Variants in CNTNAP2 observed in about 807,000 individuals in gnomAD.
CNTNAP2 encodes the protein contactin associated protein 2.
Under a neutral mutation model 155.2 loss-of-function variants are expected in CNTNAP2, and 98 were observed. The observed-to-expected ratio is 0.63, with a 90% CI of 0.54 to 0.75. The LOEUF is 0.75. Among genes scored for constraint, CNTNAP2 ranks in the 30% least tolerant of loss-of-function variants. CNTNAP2 has a pLI of 0.00. For synonymous variants in CNTNAP2, 651 were observed against 631.2 expected (o/e 1.03, Z -0.47); for missense variants, 1,727 against 1,688.1 (o/e 1.02, Z -0.40).
chr7:146,785,064 G>T lies in CNTNAP2; in HGVS notation c.208+10683G>T, dbSNP rs1453051638. Among the ~76,000 whole-genome samples the T allele has an allele frequency of 6.0e-5, 9 of 149,172 alleles. No homozygotes were observed. In the Admixed American group the frequency reaches 6.1e-4, roughly 10 times the overall value. On this transcript the variant is annotated intron_variant, in intron 2 of 23. Transcript: ENST00000361727. ...GGCTCGCTACAGCCTCCACATCCTT[G>T]TGCTCAGGTGATCCTCCCATCTCAG...
At chr7:148,124,780 C>T (rs914365124) in intron 16 of CNTNAP2, among the ~76,000 whole-genome samples, 2 of 152,030 alleles carry the variant, frequency 1.3e-5, no homozygotes, top group Non-Finnish European at 1.5e-5. Context: ...TGCATTTAAT[C>T]GTTAAAATAA....
At chr7:147,635,857 T>G (rs944842507) in intron 12 of CNTNAP2, among the ~76,000 whole-genome samples, 1 of 152,152 alleles carries the variant, frequency 6.6e-6, no homozygotes, top group Non-Finnish European at 1.5e-5. Context: ...AAGAAAGATT[T>G]GGAGTACTAC....
chr7:147,057,324 A>G (rs1449834147), intron 4 of CNTNAP2, among the ~76,000 whole-genome samples: 1 of 152,094 alleles, frequency 6.6e-6, no homozygotes, highest in Non-Finnish European at 1.5e-5. Context: ...ATGACTCTAT[A>G]TCACCTCATT....
intron 1 of CNTNAP2, among the ~76,000 whole-genome samples, chr7:146,763,288 A>C (rs1235591526): frequency 6.6e-6 from 1 of 152,054 alleles, no homozygotes; most frequent in East Asian, 1.9e-4. Flanking sequence ...AGATAACCCT[A>C]TGGCTTGTTC....
chr7:148,123,702 G>A (rs1336556022), intron 16 of CNTNAP2, among the ~76,000 whole-genome samples: 22 of 149,054 alleles, frequency 1.5e-4, no homozygotes, highest in African/African-American at 4.8e-4. Flanking sequence ...AAGAGAAAGA[G>A]AGAAACAGAG....
intron 11 of CNTNAP2, among the ~76,000 whole-genome samples, chr7:147,500,219 T>C (rs11982152): frequency 0.32 from 48,184 of 151,736 alleles, 7,874 homozygotes; most frequent in East Asian, 0.43. Flanking sequence ...GAAGGGCTTT[T>C]CATTTATAAC....
intron 13 of CNTNAP2, among the ~76,000 whole-genome samples, chr7:147,885,519 C>G (rs1444756388): frequency 6.6e-6 from 1 of 152,124 alleles, no homozygotes; most frequent in Non-Finnish European, 1.5e-5. Flanking sequence ...CTCCACCCCC[C>G]GCCACCCCGC....
In CNTNAP2 at chr7:147,225,878, A is replaced by AGAAGGAAGGAGGGAAAGAAG. The variant is rs1803523938; in HGVS notation, c.1349-74253_1349-74252insGGGAAAGAAGGAAGGAAGGA. On this transcript the variant is annotated intron_variant, in intron 8 of 23. Transcript: ENST00000361727. Reference sequence around the variant, plus strand: ...AGGAGGGAAAGAAGGAAGGAGGGAAAGAAGGAAGGAAGGAAGGAAGGAAGG... The same window carrying AGAAGGAAGGAGGGAAAGAAG: ...AGGAGGGAAAGAAGGAAGGAGGGAAAGAAGGAAGGAGGGAAAGAAGGAAGGAAGGAAGGAAGGAAGGAAGG... 4.5e-5 allele frequency among the ~76,000 whole-genome samples: 5 copies of AGAAGGAAGGAGGGAAAGAAG among 111,576 alleles called. No individual in the cohort carries two copies. In the Admixed American group the frequency reaches 4.5e-4, roughly 10 times the overall value. The allele number at this position is 111,576 out of a possible 152,430, so 73.2% of individuals were successfully genotyped here. A position where few individuals can be genotyped will look rare whatever the true frequency, so the allele number is the denominator to read the frequency against.
chr7:147,486,889 C>CTGTGTGTGTGTG (rs10544219), intron 11 of CNTNAP2, among the ~76,000 whole-genome samples: 47,165 of 146,732 alleles, frequency 0.32, 8,194 homozygotes, highest in Non-Finnish European at 0.4. Flanking sequence ...ACGTATGTGC[C>CTGTGTGTGTGTG]TGTGTGTGTG....
chr7:146,329,963 A>C (rs913525973), intron 1 of CNTNAP2, among the ~76,000 whole-genome samples: 1 of 150,382 alleles, frequency 6.6e-6, no homozygotes, highest in South Asian at 2.1e-4. Flanking sequence ...CATTATGCTG[A>C]AATATTTTCT....
intron 1 of CNTNAP2, among the ~76,000 whole-genome samples, chr7:146,741,765 G>A (rs577959452): frequency 5.3e-5 from 8 of 152,216 alleles, no homozygotes; most frequent in South Asian, 4.1e-4. Flanking sequence ...GCATGAGGCC[G>A]CAAGTGCTGG....
intron 14 of CNTNAP2, among the ~76,000 whole-genome samples, chr7:147,942,748 G>A (rs1028497573): frequency 1.3e-5 from 2 of 152,114 alleles, no homozygotes; most frequent in Admixed American, 1.3e-4. Flanking sequence ...AGACCACTGT[G>A]TCTTACTGGC....
intron 14 of CNTNAP2, among the ~76,000 whole-genome samples, chr7:147,919,239 G>T (rs1800215128): frequency 6.6e-6 from 1 of 151,748 alleles, no homozygotes; most frequent in Admixed American, 6.6e-5. Flanking sequence ...CCAGACCCAT[G>T]GTCTGAATTC....
intron 1 of CNTNAP2, among the ~76,000 whole-genome samples, chr7:146,318,670 C>T (rs531568507): frequency 2.6e-5 from 4 of 151,944 alleles, no homozygotes; most frequent in East Asian, 3.9e-4. Flanking sequence ...AGAGAAGATA[C>T]GAAGAAAGCA....
chr7:147,584,306 G>A lies in CNTNAP2; in HGVS notation c.1897+22049G>A, dbSNP rs114685658. Among the ~76,000 whole-genome samples, 989 of 152,178 alleles carry A rather than the reference G, an allele frequency of 6.5e-3. 10 individuals carry two copies. Among genetic ancestry groups the A allele is most frequent in the African/African-American group, 0.023 (947 of 41,520 alleles). On this transcript the variant is annotated intron_variant, in intron 12 of 23. Transcript: ENST00000361727. ...CCTCCTAATTATGAAATATAACAAT[G>A]CATACTTTCAAGTAATATTCCATCT...
chr7:147,566,763 T>C (rs1199514742), intron 12 of CNTNAP2, among the ~76,000 whole-genome samples: 1 of 152,142 alleles, frequency 6.6e-6, no homozygotes, highest in African/African-American at 2.4e-5. Context: ...CAAGATGAGA[T>C]TCGGACAGGG....
At chr7:146,445,042 A>G (rs746186438) in intron 1 of CNTNAP2, among the ~76,000 whole-genome samples, 1 of 152,040 alleles carries the variant, frequency 6.6e-6, no homozygotes, top group South Asian at 2.1e-4. Flanking sequence ...AAATCATTTC[A>G]TAAACAAAAA....
intron 1 of CNTNAP2, among the ~76,000 whole-genome samples, chr7:146,245,308 A>G (rs1433915700): frequency 6.6e-6 from 1 of 152,172 alleles, no homozygotes; most frequent in Non-Finnish European, 1.5e-5. Flanking sequence ...GTGGGACTTA[A>G]CAAAGAGTGA....
intron 4 of CNTNAP2, among the ~76,000 whole-genome samples, chr7:147,070,169 C>T (rs1799862865): frequency 6.6e-6 from 1 of 152,158 alleles, no homozygotes. Context: ...ATTTTATGTG[C>T]TTTGTTTTCA....
Sources: gnomAD v4.1 joint callset for allele counts (sites outside exome capture counted in the v4.1 genomes callset) on GRCh38, gnomAD v4.1.1 for gene constraint, MANE v1.5 for transcripts, NCBI Gene and HGNC (gene_info 2026-07-23, HGNC 2026-07-21) for gene names.